The following NCOR1 variants were observed in gnomAD, a reference collection of about 807,000 sequenced individuals.
NCOR1 encodes protein phosphatase 1, regulatory subunit 109.
In NCOR1, 63 loss-of-function variants were observed where a neutral mutation model predicts 288.1. That is an observed-to-expected ratio of 0.22 (90% CI 0.18 to 0.27). The LOEUF (loss-of-function observed/expected upper bound fraction) is 0.27, where lower values mean the gene tolerates loss of function less well. Among genes scored for constraint, NCOR1 ranks in the 10% least tolerant of loss-of-function variants. The probability of loss-of-function intolerance (pLI) is 1.00; values close to 1 mark genes in which losing one functional copy is unlikely to be tolerated. For missense variants in NCOR1, 2,397 were observed against 3,019.2 expected (o/e 0.79, Z 4.83); for synonymous variants, 1,007 against 1,065.9 (o/e 0.94, Z 1.08).
chr17:16,173,872 G>A (rs2083570675), intron 3 of NCOR1, among the ~76,000 whole-genome samples: 1 of 151,946 alleles, frequency 6.6e-6, no homozygotes, highest in Admixed American at 6.6e-5. Context: ...CAGACGTTGA[G>A]GTGACCCGAG....
chr17:16,124,005 T>C (rs988416277), intron 15 of NCOR1, among the ~76,000 whole-genome samples: 1 of 152,220 alleles, frequency 6.6e-6, no homozygotes, highest in African/African-American at 2.4e-5. Flanking sequence ...AATCAAGTTA[T>C]GACAGAGTTC....
At chr17:16,121,379 C>T (rs2072990221) in intron 15 of NCOR1, 110 bp from the exon 16 acceptor site, 2 of 857,730 alleles carry the variant, frequency 2.3e-6, no homozygotes, top group Non-Finnish European at 3.3e-6. Flanking sequence ...ACTACCTAAT[C>T]TCTCACTCAA....
Position 16,194,493 on chromosome 17 carries a change from T to C in NCOR1, c.77A>G (p.Gln26Arg). The change falls in exon 2 of 46, where the codon CAG becomes CGG. Residue 26 changes from glutamine to arginine, a missense_variant. Physicochemically the swap from Gln to Arg is conservative, Grantham distance 43. Around this residue, in one of 11 missense-constraint regions of NCOR1, gnomAD observed 55 missense variants for 69.6 expected, o/e 0.79. Coordinates refer to ENST00000268712, the MANE Select transcript of NCOR1 (RefSeq NM_006311.4). ...EQSRYPPHSV[Q>R]YTFPNTRHQQ... The stretch of plus-strand genomic sequence containing the variant: ...GTGGCGGGTGTTGGGAAATGTATAC[T>C]GGACAGAGTGAGGAGGATAACGACT... The C allele has an allele frequency of 2.5e-6, 4 of 1,610,772 alleles. No homozygotes were observed. Among genetic ancestry groups the C allele is most frequent in the Non-Finnish European group, 3.4e-6 (4 of 1,178,214 alleles).
rs1402126078 is a variant in NCOR1, at chr17:16,127,367, ATG to A, written c.1510-1163_1510-1162del. ...TATGTATATATGTATGTATATATAC[ATG>A]TATGTATATATGTATGTATATATAC... On this transcript the variant is annotated intron_variant, in intron 14 of 45. Transcript: ENST00000268712. Among the ~76,000 whole-genome samples the A allele has an allele frequency of 2.1e-4, 24 of 111,776 alleles. 2 individuals are homozygous for A. Among genetic ancestry groups the A allele is most frequent in the African/African-American group, 1.0e-3 (23 of 23,092 alleles). The allele number at this position is 111,776 out of a possible 152,430, so 73.3% of individuals were successfully genotyped here. A position where few individuals can be genotyped will look rare whatever the true frequency, so the allele number is the denominator to read the frequency against.
chr17:16,068,677 T>C (rs767242565), intron 31 of NCOR1, among the ~76,000 whole-genome samples: 10 of 151,758 alleles, frequency 6.6e-5, no homozygotes, highest in Non-Finnish European at 1.3e-4. Flanking sequence ...GTCCCACCAA[T>C]AAATATATAT....
chr17:16,031,912 A>G lies in NCOR1; in HGVS notation c.*384T>C, dbSNP rs961070970. ...CCAAAGTTGATGCGCTGATTTGAAC[A>G]TAAGTACACCAGATACTACAGCAAG... On this transcript the variant is annotated 3_prime_UTR_variant, in exon 46 of 46. Transcript: ENST00000268712. 7 of 242,570 alleles carry G rather than the reference A, an allele frequency of 2.9e-5. No homozygotes were observed. Among genetic ancestry groups the G allele is most frequent in the Admixed American group, 1.1e-4 (2 of 17,920 alleles). 15.0% of individuals were successfully genotyped at this position (242,570 alleles called of 1,614,324 possible). A position where few individuals can be genotyped will look rare whatever the true frequency, so the allele number is the denominator to read the frequency against.
chr17:16,143,814 AC>A, intron 10 of NCOR1, 118 bp from the exon 11 acceptor site: 2 of 674,562 alleles, frequency 3.0e-6, no homozygotes, highest in Non-Finnish European at 2.5e-6. Context: ...AAGAGAAGAA[AC>A]ATAAAATACT....
intron 45 of NCOR1, among the ~76,000 whole-genome samples, chr17:16,034,374 A>C (rs560836346): frequency 5.3e-5 from 8 of 152,270 alleles, no homozygotes; most frequent in Admixed American, 2.6e-4. Flanking sequence ...AGGAGGAATG[A>C]GTTCAGGAGT....
chr17:16,118,083 A>G, intron 17 of NCOR1, 56 bp from the exon 18 acceptor site: 1 of 1,541,664 alleles, frequency 6.5e-7, no homozygotes. Flanking sequence ...TCAAGCAAAC[A>G]AGAGAAATAA....
intron 41 of NCOR1, among the ~76,000 whole-genome samples, chr17:16,047,832 G>A (rs888025023): frequency 3.3e-5 from 5 of 152,058 alleles, no homozygotes; most frequent in African/African-American, 4.8e-5. Flanking sequence ...ACAAGAACAC[G>A]TACTCTATGC....
chr17:16,167,951 T>C (rs530724454), intron 4 of NCOR1, among the ~76,000 whole-genome samples: 23 of 145,114 alleles, frequency 1.6e-4, no homozygotes, highest in Non-Finnish European at 2.7e-4. Flanking sequence ...AACGATTAAA[T>C]AGGAAAACCA....
chr17:16,185,008 CAAAA>C (rs34725978), intron 3 of NCOR1, among the ~76,000 whole-genome samples: 2 of 97,364 alleles, frequency 2.1e-5, no homozygotes, highest in South Asian at 3.7e-4. Flanking sequence ...GAATCTTAAA[CAAAA>C]AAAAAAAAAA....
chr17:16,167,408 CA>C (rs1229047091), intron 4 of NCOR1, among the ~76,000 whole-genome samples: 1 of 150,406 alleles, frequency 6.6e-6, no homozygotes, highest in Non-Finnish European at 1.5e-5. Context: ...CAAGTAATAG[CA>C]AACATTTATA....
chr17:16,062,336 T>C lies in NCOR1; in HGVS notation c.5222-66A>G, dbSNP rs554136059. On this transcript the variant is annotated intron_variant, in intron 35 of 45. Coordinates refer to ENST00000268712, the MANE Select transcript of NCOR1 (RefSeq NM_006311.4). ...GGAAGCCAGAGACAAAAGGAAGCAA[T>C]GCTTATGGATTGTTTATTTCCTAAC... The C allele has an allele frequency of 8.5e-5, 123 of 1,451,338 alleles. 3 individuals carry two copies. The South Asian group carries it at 1.6e-3, about 19-fold the overall frequency. 89.9% of individuals were successfully genotyped at this position (1,451,338 alleles called of 1,614,324 possible).
At chr17:16,098,699 A>G (rs2067080887) in intron 20 of NCOR1, 2 of 394,470 alleles carry the variant, frequency 5.1e-6, no homozygotes, top group Non-Finnish European at 4.5e-6. Context: ...AAGAAACTGA[A>G]TATCGTACTC....
At chr17:16,053,361 T>C (rs1317892309) in intron 40 of NCOR1, among the ~76,000 whole-genome samples, 1 of 152,106 alleles carries the variant, frequency 6.6e-6, no homozygotes, top group Non-Finnish European at 1.5e-5. Flanking sequence ...GATACATCAG[T>C]GTGCAAAAAA....
intron 14 of NCOR1, among the ~76,000 whole-genome samples, chr17:16,130,776 C>G (rs2075478993): frequency 6.6e-6 from 1 of 151,956 alleles, no homozygotes; most frequent in African/African-American, 2.4e-5. Context: ...CTATGCCTCC[C>G]AGGCTCAAGC....
At chr17:16,151,174 T>C (rs1349255788) in intron 8 of NCOR1, among the ~76,000 whole-genome samples, 1 of 150,690 alleles carries the variant, frequency 6.6e-6, no homozygotes, top group Non-Finnish European at 1.5e-5. Context: ...CTAAGAATAA[T>C]GCACCTAAAA....
At chr17:16,211,971 G>A (rs929824792) in intron 1 of NCOR1, among the ~76,000 whole-genome samples, 2 of 152,060 alleles carry the variant, frequency 1.3e-5, no homozygotes, top group Admixed American at 1.3e-4. Flanking sequence ...AACCTGAAAA[G>A]GACCAAATAT....
Sources: gnomAD v4.1 joint callset for allele counts (sites outside exome capture counted in the v4.1 genomes callset) on GRCh38, gnomAD v4.1.1 for gene constraint, gnomAD v4.1.1 regional missense constraint, MANE v1.5 for transcripts, NCBI Gene and HGNC (gene_info 2026-07-23, HGNC 2026-07-21) for gene names.